The following LRP1B variants were observed in gnomAD, a reference collection of about 807,000 sequenced individuals.
The protein encoded by LRP1B is low-density lipoprotein receptor-related protein 1B.
Under a neutral mutation model 556.6 loss-of-function variants are expected in LRP1B, and 217 were observed. That is an observed-to-expected ratio of 0.39 (90% CI 0.35 to 0.44). The LOEUF (loss-of-function observed/expected upper bound fraction) is 0.44. LRP1B is among the 20% of genes least tolerant of loss of function. LRP1B has a pLI of 1.00. For synonymous variants in LRP1B, 2,047 were observed against 1,865.8 expected, an observed-to-expected ratio of 1.10 and a Z score of -2.50; for missense variants, 5,053 against 5,620.8, an observed-to-expected ratio of 0.90 and a Z score of 3.23.
intron 3 of LRP1B, among the ~76,000 whole-genome samples, chr2:141,418,201 GTTGATTGT>G (rs1679986971): frequency 6.6e-6 from 1 of 152,086 alleles, no homozygotes; most frequent in African/African-American, 2.4e-5. Context: ...GTTTCACTCT[GTTGATTGT>G]TTCCTTGGTT....
chr2:142,009,927 G>C (rs992034472), intron 1 of LRP1B, among the ~76,000 whole-genome samples: 3 of 151,920 alleles, frequency 2.0e-5, no homozygotes, highest in Non-Finnish European at 4.4e-5. Context: ...TGCATATGTA[G>C]ATGTATACAT....
chr2:142,065,349 C>G (rs749785204), intron 1 of LRP1B, among the ~76,000 whole-genome samples: 1 of 150,940 alleles, frequency 6.6e-6, no homozygotes, highest in Admixed American at 6.6e-5. Context: ...TTTAGAAGAT[C>G]CCCCCTTTCC....
intron 3 of LRP1B, among the ~76,000 whole-genome samples, chr2:141,310,826 A>C (rs1686786796): frequency 6.6e-6 from 1 of 152,188 alleles, no homozygotes; most frequent in Non-Finnish European, 1.5e-5. Context: ...ACAAGTTTGA[A>C]ATTTGGAAGC....
intron 3 of LRP1B, among the ~76,000 whole-genome samples, chr2:141,292,725 C>T (rs934374839): frequency 6.6e-6 from 1 of 152,100 alleles, no homozygotes; most frequent in African/African-American, 2.4e-5. Context: ...ACCTACTAAA[C>T]ATCTGAGTAG....
intron 2 of LRP1B, 111 bp downstream of exon 2, chr2:141,810,140 AGAAAGAAAGAAAGAAAGAAAGAAAGAAG>A (rs1358317147): frequency 0.046 from 22,285 of 489,032 alleles, 547 homozygotes; most frequent in African/African-American, 0.097. Context: ...AAAGAAAGAA[AGAAAGAAAGAAAGAAAGAAAGAAAGAAG>A]GAAAGAAAGA....
At chr2:141,210,787 T>C (rs1003224259) in intron 6 of LRP1B, among the ~76,000 whole-genome samples, 1 of 152,168 alleles carries the variant, frequency 6.6e-6, no homozygotes, top group Non-Finnish European at 1.5e-5. Context: ...TAGTGTAAAA[T>C]CTATTTTAAC....
chr2:141,333,307 T>G (rs1001656574), intron 3 of LRP1B, among the ~76,000 whole-genome samples: 9 of 152,146 alleles, frequency 5.9e-5, no homozygotes, highest in African/African-American at 2.2e-4. Flanking sequence ...ATTTCTAATT[T>G]AATGGTAGAA....
At chr2:141,299,038 T>C (rs974217389) in intron 3 of LRP1B, among the ~76,000 whole-genome samples, 18 of 151,300 alleles carry the variant, frequency 1.2e-4, no homozygotes, top group Non-Finnish European at 2.4e-4. Flanking sequence ...TGTCAGTCCA[T>C]ATAGTAAATT....
At chr2:141,490,380 T>TGTGTGC (rs1396042008) in intron 2 of LRP1B, among the ~76,000 whole-genome samples, 62 of 112,716 alleles carry the variant, frequency 5.5e-4, no homozygotes, top group South Asian at 1.7e-3. Flanking sequence ...CGTGTGTGTG[T>TGTGTGC]GTGTGTGTGT....
intron 3 of LRP1B, among the ~76,000 whole-genome samples, chr2:141,423,865 T>C (rs1680247344): frequency 6.6e-6 from 1 of 152,016 alleles, no homozygotes; most frequent in African/African-American, 2.4e-5. Flanking sequence ...AGTTTAGTTA[T>C]AAATATATAA....
intron 2 of LRP1B, among the ~76,000 whole-genome samples, chr2:141,801,872 A>G (rs1696018806): frequency 6.6e-6 from 1 of 152,134 alleles, no homozygotes; most frequent in African/African-American, 2.4e-5. Flanking sequence ...TTACACTGGT[A>G]TTAAAATACA....
chr2:140,515,002 G>T (rs1689829860), intron 50 of LRP1B, among the ~76,000 whole-genome samples: 1 of 151,822 alleles, frequency 6.6e-6, no homozygotes, highest in African/African-American at 2.4e-5. Context: ...TTCTTATAAG[G>T]CTTGCCTTTG....
At chr2:141,419,856 T>C (rs949895691) in intron 3 of LRP1B, among the ~76,000 whole-genome samples, 1 of 152,156 alleles carries the variant, frequency 6.6e-6, no homozygotes, top group Non-Finnish European at 1.5e-5. Flanking sequence ...TTTATTTCAT[T>C]TCATTTCATT....
chr2:142,103,385 T>C (rs759144483), intron 1 of LRP1B, among the ~76,000 whole-genome samples: 16 of 151,964 alleles, frequency 1.1e-4, no homozygotes, highest in Non-Finnish European at 4.4e-5. Context: ...GTCCTTTGAA[T>C]ATAAAAGCTA....
intron 2 of LRP1B, among the ~76,000 whole-genome samples, chr2:141,754,638 C>T (rs1167845079): frequency 1.3e-5 from 2 of 152,162 alleles, no homozygotes; most frequent in Non-Finnish European, 2.9e-5. Flanking sequence ...ACCAAAGTTT[C>T]TCCAGAGATA....
At chr2:141,397,117 A>AAAAAAAAAAAAC in intron 3 of LRP1B, among the ~76,000 whole-genome samples, 1 of 144,294 alleles carries the variant, frequency 6.9e-6, no homozygotes, top group Non-Finnish European at 1.5e-5. Context: ...TTGTCTCAAA[A>AAAAAAAAAAAAC]AAAAAAAAAA....
intron 3 of LRP1B, among the ~76,000 whole-genome samples, chr2:141,446,351 G>A (rs111554562): frequency 0.25 from 37,489 of 151,964 alleles, 5,314 homozygotes; most frequent in Non-Finnish European, 0.31. Flanking sequence ...GATGGGTCTT[G>A]ACTCTTTATC....
intron 3 of LRP1B, among the ~76,000 whole-genome samples, chr2:141,378,745 A>G (rs1689527744): frequency 6.6e-6 from 1 of 152,222 alleles, no homozygotes; most frequent in African/African-American, 2.4e-5. Context: ...AAAGAATAGC[A>G]GGTTTGAACA....
At chr2:141,497,949 C>G (rs932383257) in intron 2 of LRP1B, among the ~76,000 whole-genome samples, 2 of 148,954 alleles carry the variant, frequency 1.3e-5, no homozygotes, top group African/African-American at 5.0e-5. Context: ...TAACCTAACA[C>G]AGTCATACGA....
Sources: allele counts gnomAD v4.1 joint callset (sites outside exome capture counted in the v4.1 genomes callset), GRCh38; gene constraint gnomAD v4.1.1; transcripts MANE v1.5; gene names NCBI Gene and HGNC (gene_info 2026-07-23, HGNC 2026-07-21).